Variants in PRKG1 observed in about 807,000 individuals in gnomAD.
The protein encoded by PRKG1 is protein kinase cGMP-dependent 1.
A neutral mutation model predicts 88.1 loss-of-function variants in PRKG1; 35 were observed. The observed-to-expected ratio is 0.40, with a 90% CI of 0.30 to 0.53. The LOEUF (loss-of-function observed/expected upper bound fraction) is 0.53, where lower values mean the gene tolerates loss of function less well. Among genes scored for constraint, PRKG1 ranks in the 20% least tolerant of loss-of-function variants. The pLI, the probability that PRKG1 is intolerant of heterozygous loss-of-function variation, is 0.59. For missense variants in PRKG1, 540 were observed against 839.8 expected (o/e 0.64, Z 4.41); for synonymous variants, 303 against 292.5 (o/e 1.04, Z -0.37).
intron 4 of PRKG1, among the ~76,000 whole-genome samples, chr10:51,830,574 T>TTTTTTTG (rs1564665245): frequency 1.4e-5 from 2 of 140,576 alleles, no homozygotes; most frequent in African/African-American, 2.7e-5. Context: ...TTTTTTTTTT[T>TTTTTTTG]TTTTTGAGTC....
At position 51,798,573 on chromosome 10, in the gene PRKG1, G is replaced by C. The variant is rs574324740; in HGVS notation, c.593-6012G>C. On this transcript the variant is annotated intron_variant, in intron 3 of 17. Coordinates refer to ENST00000373980, the MANE Select transcript of PRKG1 (RefSeq NM_006258.4). Reference sequence around the variant, plus strand: ...CTAATATTCCCAAAGCTATCTGAGTGTTCAGGTGTTTGTCCTGGGACTCAG... The same window carrying C: ...CTAATATTCCCAAAGCTATCTGAGTCTTCAGGTGTTTGTCCTGGGACTCAG... 2.0e-5 allele frequency among the ~76,000 whole-genome samples: 3 copies of C among 152,176 alleles called. No individual in the cohort carries two copies. In the South Asian group the frequency reaches 6.2e-4, roughly 32 times the overall value.
intron 3 of PRKG1, among the ~76,000 whole-genome samples, chr10:51,554,794 C>A (rs1465731481): frequency 6.6e-6 from 1 of 151,726 alleles, no homozygotes; most frequent in Admixed American, 6.6e-5. Flanking sequence ...TTTGTTAAAT[C>A]CATGAATGGT....
chr10:51,840,634 C>T (rs1840250730), intron 4 of PRKG1, among the ~76,000 whole-genome samples: 1 of 151,972 alleles, frequency 6.6e-6, no homozygotes. Context: ...GGAACCTCTG[C>T]CTCCTAGGTT....
chr10:51,124,086 G>A (rs1027628998), intron 1 of PRKG1, among the ~76,000 whole-genome samples: 1 of 152,132 alleles, frequency 6.6e-6, no homozygotes, highest in Non-Finnish European at 1.5e-5. Flanking sequence ...TGGGGACAGA[G>A]ATCCAAACAC....
chr10:52,223,048 C>T (rs574565134), intron 9 of PRKG1, among the ~76,000 whole-genome samples: 2 of 152,120 alleles, frequency 1.3e-5, no homozygotes, highest in South Asian at 4.1e-4. Flanking sequence ...AGGGCATCAC[C>T]CTAGAAATTC....
intron 2 of PRKG1, among the ~76,000 whole-genome samples, chr10:51,281,626 G>A (rs1840300056): frequency 6.6e-6 from 1 of 152,202 alleles, no homozygotes; most frequent in South Asian, 2.1e-4. Context: ...CACCTCTGGG[G>A]GCGGGGCATA....
chr10:51,281,200 G>A (rs952294635), intron 2 of PRKG1, among the ~76,000 whole-genome samples: 3 of 152,152 alleles, frequency 2.0e-5, no homozygotes, highest in African/African-American at 7.2e-5. Flanking sequence ...AGCAAATGTT[G>A]CTGCCTGATC....
At chr10:52,013,543 G>A (rs1844955090) in intron 5 of PRKG1, among the ~76,000 whole-genome samples, 1 of 152,192 alleles carries the variant, frequency 6.6e-6, no homozygotes, top group Non-Finnish European at 1.5e-5. Context: ...TTCTAGTTGA[G>A]TATTAGGGGA....
chr10:52,276,993 ATATAT>A (rs1323740802), intron 12 of PRKG1, among the ~76,000 whole-genome samples: 2 of 152,206 alleles, frequency 1.3e-5, no homozygotes, highest in African/African-American at 4.8e-5. Context: ...TCGGTTACAA[ATATAT>A]TTATATGTGA....
chr10:51,685,552 T>C (rs536726648), intron 3 of PRKG1, among the ~76,000 whole-genome samples: 325 of 152,342 alleles, frequency 2.1e-3, no homozygotes, highest in Non-Finnish European at 3.9e-3. Flanking sequence ...ATAGTCTCTT[T>C]CCATCAACTC....
chr10:51,316,325 TG>T (rs1841316374), intron 2 of PRKG1, among the ~76,000 whole-genome samples: 1 of 152,208 alleles, frequency 6.6e-6, no homozygotes. Context: ...AACTGAAGAA[TG>T]TGTGGCTTTA....
At chr10:52,069,494 T>A (rs1023775298) in intron 7 of PRKG1, among the ~76,000 whole-genome samples, 2 of 151,796 alleles carry the variant, frequency 1.3e-5, no homozygotes, top group Non-Finnish European at 2.9e-5. Context: ...CACACCACTC[T>A]CCTCCAGCCT....
chr10:51,932,197 GTT>G (rs1195459048), intron 5 of PRKG1, among the ~76,000 whole-genome samples: 7 of 133,484 alleles, frequency 5.2e-5, no homozygotes, highest in Admixed American at 7.5e-5. Context: ...TTGGTTTGGT[GTT>G]TTTTTTTTTT....
chr10:51,774,577 T>C (rs1336192070), intron 3 of PRKG1, among the ~76,000 whole-genome samples: 1 of 152,116 alleles, frequency 6.6e-6, no homozygotes, highest in African/African-American at 2.4e-5. Flanking sequence ...ACAATAATAT[T>C]TTTTAATTGT....
chr10:51,486,255 C>T (rs985949859), intron 3 of PRKG1, among the ~76,000 whole-genome samples: 3 of 152,164 alleles, frequency 2.0e-5, no homozygotes, highest in Non-Finnish European at 1.5e-5. Context: ...CCCTTTCCCC[C>T]ATCCCCTGAC....
At chr10:52,178,421 T>C (rs570355821) in intron 9 of PRKG1, among the ~76,000 whole-genome samples, 2 of 152,144 alleles carry the variant, frequency 1.3e-5, no homozygotes, top group Admixed American at 1.3e-4. Flanking sequence ...TAACATATCA[T>C]CTATCCTGGG....
At chr10:51,097,461 A>G (rs1157261912) in intron 1 of PRKG1, among the ~76,000 whole-genome samples, 4 of 151,992 alleles carry the variant, frequency 2.6e-5, no homozygotes, top group Non-Finnish European at 4.4e-5. Flanking sequence ...GGGCTCAAGC[A>G]ATTCACCCAC....
intron 1 of PRKG1, among the ~76,000 whole-genome samples, chr10:51,024,395 T>C (rs142883521): frequency 2.0e-5 from 3 of 152,324 alleles, no homozygotes; most frequent in Non-Finnish European, 4.4e-5. Context: ...CTTCCTCATA[T>C]GAACATAATG....
intron 5 of PRKG1, among the ~76,000 whole-genome samples, chr10:51,986,210 G>A (rs12242283): frequency 3.9e-5 from 6 of 152,020 alleles, no homozygotes; most frequent in African/African-American, 1.2e-4. Context: ...AAAAATTAAC[G>A]CTTGTAAGTC....
Sources: gnomAD v4.1 joint callset for allele counts (sites outside exome capture counted in the v4.1 genomes callset) on GRCh38, gnomAD v4.1.1 for gene constraint, MANE v1.5 for transcripts, NCBI Gene and HGNC (gene_info 2026-07-23, HGNC 2026-07-21) for gene names.